CSMD1: variants seen among roughly 807,000 people sequenced by gnomAD.
CSMD1 encodes the protein CUB and sushi domain-containing protein 1.
CSMD1 carries 213 observed loss-of-function variants against 417.5 expected under a neutral mutation model. The observed-to-expected ratio is 0.51, with a 90% CI of 0.46 to 0.57. The LOEUF is 0.57. CSMD1 is among the 20% of genes least tolerant of loss of function. The pLI is 0.00. For missense variants in CSMD1, 6,923 were observed against 4,529.7 expected, an observed-to-expected ratio of 1.53 and a Z score of -15.17; for synonymous variants, 2,862 against 1,736.8, an observed-to-expected ratio of 1.65 and a Z score of -16.11.
At chr8:3,587,264 A>G (rs1248298812) in intron 8 of CSMD1, among the ~76,000 whole-genome samples, 4 of 152,226 alleles carry the variant, frequency 2.6e-5, no homozygotes, top group Non-Finnish European at 5.9e-5. Flanking sequence ...AGAGGCAGAG[A>G]TCAGGTTTGA....
intron 2 of CSMD1, among the ~76,000 whole-genome samples, chr8:4,551,328 G>T (rs762386310): frequency 6.6e-6 from 1 of 152,026 alleles, no homozygotes; most frequent in African/African-American, 2.4e-5. Context: ...ATGGTCCCCC[G>T]GCTGTGAGTG....
At chr8:4,079,901 A>G (rs967535143) in intron 3 of CSMD1, among the ~76,000 whole-genome samples, 3 of 152,172 alleles carry the variant, frequency 2.0e-5, no homozygotes, top group African/African-American at 7.2e-5. Flanking sequence ...GAAGGGCCAT[A>G]TTCTTGCCTT....
rs1798069819 is a variant in CSMD1, at chr8:3,219,354, G to C, written c.4573C>G (p.Gln1525Glu). Residue 1525 changes from glutamine to glutamate, a missense_variant, in exon 29 of 70, where the codon CAG (glutamine) becomes GAG (glutamate). Coordinates refer to ENST00000635120, the MANE Select transcript of CSMD1 (RefSeq NM_033225.6). ...CTACTCTCTATTCTTTCTGGGGCCTGAGAGCCCTGGTAACTCCCAATGAGG... is the reference window on the plus strand; with the variant it reads ...CTACTCTCTATTCTTTCTGGGGCCTCAGAGCCCTGGTAACTCCCAATGAGG... ...SPLIGSYQGS[Q>E]APERIESSGN... 1.3e-6 allele frequency: 2 copies of C among 1,573,784 alleles called. No individual in the cohort carries two copies. Among genetic ancestry groups the C allele is most frequent in the Admixed American group, 1.8e-5 (1 of 54,074 alleles).
At chr8:3,020,529 T>C (rs1265249464) in intron 51 of CSMD1, among the ~76,000 whole-genome samples, 1 of 152,094 alleles carries the variant, frequency 6.6e-6, no homozygotes, top group Non-Finnish European at 1.5e-5. Flanking sequence ...CACGCTCAGC[T>C]ATTTATTTTT....
intron 19 of CSMD1, 67 bp from the exon 20 acceptor site, chr8:3,367,314 A>C (rs1466932226): frequency 1.9e-6 from 2 of 1,035,606 alleles, no homozygotes; most frequent in Non-Finnish European, 2.9e-6. Context: ...GGGGGCAGAG[A>C]GGGAGCGGGG....
In CSMD1 at chr8:4,637,677, T is replaced by G. The variant is rs1246120525; in HGVS notation, c.86-119A>C. The G allele has an allele frequency of 2.4e-5, 13 of 532,630 alleles. 1 individual carries two copies. The highest frequency in any genetic ancestry group is 3.4e-5 in the Non-Finnish European group (11 of 321,102). 33.0% of individuals were successfully genotyped at this position (532,630 alleles called of 1,614,324 possible). A position where few individuals can be genotyped will look rare whatever the true frequency, so the allele number is the denominator to read the frequency against. Reference sequence around the variant, plus strand: ...TTTTTTTTTTTTTTTTTTTTTTTTTTTTTTGAGACGGAGTCTCGCTCTGTC... The same window carrying G: ...TTTTTTTTTTTTTTTTTTTTTTTTTGTTTTGAGACGGAGTCTCGCTCTGTC... On this transcript the variant is annotated intron_variant, in intron 1 of 69. Coordinates refer to ENST00000635120, the MANE Select transcript of CSMD1 (RefSeq NM_033225.6).
intron 3 of CSMD1, among the ~76,000 whole-genome samples, chr8:4,125,515 C>T (rs934883677): frequency 6.6e-6 from 1 of 152,210 alleles, no homozygotes; most frequent in African/African-American, 2.4e-5. Flanking sequence ...GGCCGGACCT[C>T]CTGAGACTGT....
rs1227443150 is a variant in CSMD1, at chr8:4,356,864, A to G, written c.415+63089T>C. Reference sequence around the variant, plus strand: ...TCAGCTATCTCTGCCCTTTCCTCTAAAATCTAGAGGCTGAAACTATAATGA... The same window carrying G: ...TCAGCTATCTCTGCCCTTTCCTCTAGAATCTAGAGGCTGAAACTATAATGA... On this transcript the variant is annotated intron_variant, in intron 3 of 69. Coordinates refer to ENST00000635120, the MANE Select transcript of CSMD1 (RefSeq NM_033225.6). 4.6e-5 allele frequency among the ~76,000 whole-genome samples: 7 copies of G among 152,148 alleles called. No homozygotes were observed. The East Asian group carries it at 1.3e-3, about 29-fold the overall frequency.
chr8:4,858,109 T>C (rs1236403679), intron 1 of CSMD1, among the ~76,000 whole-genome samples: 2 of 151,640 alleles, frequency 1.3e-5, no homozygotes, highest in Non-Finnish European at 2.9e-5. Flanking sequence ...GCTGGTTCAA[T>C]ATACGCAAAT....
At chr8:3,518,930 T>C (rs190300867) in intron 10 of CSMD1, among the ~76,000 whole-genome samples, 233 of 152,356 alleles carry the variant, frequency 1.5e-3, no homozygotes, top group Non-Finnish European at 2.4e-3. Context: ...TCTCCTCATA[T>C]TGTCCCTTTT....
Position 4,747,414 on chromosome 8 carries a change from A to G in CSMD1, c.86-109856T>C, listed in dbSNP as rs918969038. Among the ~76,000 whole-genome samples, 3 of 152,184 alleles carry G rather than the reference A, an allele frequency of 2.0e-5. No homozygotes were observed. In the East Asian group the frequency reaches 5.8e-4, roughly 29 times the overall value. ...AACTAACAAGATTGGTAAGAGCAAT[A>G]CAATAGTGTGTTAAAAGGTGGTACT... On this transcript the variant is annotated intron_variant, in intron 1 of 69. Coordinates refer to ENST00000635120, the MANE Select transcript of CSMD1 (RefSeq NM_033225.6).
intron 12 of CSMD1, among the ~76,000 whole-genome samples, chr8:3,463,479 C>G (rs1053819090): frequency 6.6e-6 from 1 of 152,188 alleles, no homozygotes; most frequent in African/African-American, 2.4e-5. Context: ...GAAGCCACGT[C>G]CTGCAGCTTC....
chr8:4,205,126 TATCTC>T (rs1209144072), intron 3 of CSMD1, among the ~76,000 whole-genome samples: 4 of 152,246 alleles, frequency 2.6e-5, no homozygotes, highest in Admixed American at 2.6e-4. Flanking sequence ...TAAACACATT[TATCTC>T]AACTCTGTTG....
intron 2 of CSMD1, among the ~76,000 whole-genome samples, chr8:4,595,719 T>C: frequency 6.6e-6 from 1 of 152,128 alleles, no homozygotes; most frequent in East Asian, 1.9e-4. Flanking sequence ...CTAGGCAACA[T>C]AGGTAGACTT....
At chr8:3,103,535 T>G (rs10087059) in intron 46 of CSMD1, among the ~76,000 whole-genome samples, 6,656 of 152,140 alleles carry the variant, frequency 0.044, 484 homozygotes, top group African/African-American at 0.15. Flanking sequence ...CGTGGCCCCG[T>G]AGTACTGCAA....
intron 5 of CSMD1, among the ~76,000 whole-genome samples, chr8:3,830,507 G>C (rs146219460): frequency 3.9e-5 from 6 of 152,334 alleles, no homozygotes; most frequent in African/African-American, 9.6e-5. Flanking sequence ...TCATGGAGTT[G>C]TGAAGACTGT....
At chr8:4,238,442 C>T (rs936412709) in intron 3 of CSMD1, among the ~76,000 whole-genome samples, 1 of 152,130 alleles carries the variant, frequency 6.6e-6, no homozygotes, top group African/African-American at 2.4e-5. Context: ...TACTGTGATT[C>T]CCTCATGGAC....
At chr8:4,969,213 G>C (rs1454829411) in intron 1 of CSMD1, among the ~76,000 whole-genome samples, 1 of 152,072 alleles carries the variant, frequency 6.6e-6, no homozygotes, top group Non-Finnish European at 1.5e-5. Flanking sequence ...TGCTATGCTA[G>C]TGACTTGTAC....
chr8:3,561,488 G>C (rs1458696141), intron 10 of CSMD1, among the ~76,000 whole-genome samples: 1 of 152,186 alleles, frequency 6.6e-6, no homozygotes, highest in African/African-American at 2.4e-5. Flanking sequence ...GGATGGAACA[G>C]AATGTCATTA....
Sources: gnomAD v4.1 joint callset for allele counts (sites outside exome capture counted in the v4.1 genomes callset) on GRCh38, gnomAD v4.1.1 for gene constraint, MANE v1.5 for transcripts, NCBI Gene and HGNC (gene_info 2026-07-23, HGNC 2026-07-21) for gene names.